The following ANKRD31 variants were observed in gnomAD, a reference collection of about 807,000 sequenced individuals.
ANKRD31 encodes the protein ankyrin repeat domain 31.
Under a neutral mutation model 186.0 loss-of-function variants are expected in ANKRD31, and 147 were observed. The ratio of observed to expected loss-of-function variants is 0.79; its 90% CI spans 0.69 to 0.91. The LOEUF is 0.91. ANKRD31 is among the 40% of genes least tolerant of loss of function. The probability of loss-of-function intolerance (pLI) is 0.00; values close to 1 mark genes in which losing one functional copy is unlikely to be tolerated. For missense variants in ANKRD31, 1,986 were observed against 2,148.8 expected (o/e 0.92, Z 1.50); for synonymous variants, 673 against 736.4 (o/e 0.91, Z 1.39).
intron 17 of ANKRD31, among the ~76,000 whole-genome samples, chr5:75,132,966 A>G (rs1749996460): frequency 6.6e-6 from 1 of 152,308 alleles, no homozygotes; most frequent in Non-Finnish European, 1.5e-5. Context: ...AAATGCTGAG[A>G]GATTTTGTCA....
chr5:75,101,597 T>C (rs1358206014), intron 22 of ANKRD31, among the ~76,000 whole-genome samples: 5 of 152,182 alleles, frequency 3.3e-5, no homozygotes, highest in Admixed American at 3.3e-4. Context: ...TTTCATATAG[T>C]CCCATAGTTC....
At chr5:75,199,325 C>G (rs1230107589) in intron 6 of ANKRD31, among the ~76,000 whole-genome samples, 1 of 152,148 alleles carries the variant, frequency 6.6e-6, no homozygotes. Flanking sequence ...AAATCCAAAG[C>G]AGGAAGGAAC....
rs1751629532 is a variant in ANKRD31 at position 75,148,529 on chromosome 5, A to G, written c.1905+47T>C. On this transcript the variant is annotated intron_variant, in intron 13 of 25. Coordinates refer to ENST00000506364, the MANE Select transcript of ANKRD31 (RefSeq NM_001372053.1). ...CCCTTTGACAATCTATGAAACAACC[A>G]GAAGTTACATCCCTATAAAAATGTT... 6 of 1,302,240 alleles carry G rather than the reference A, an allele frequency of 4.6e-6. No individual in the cohort carries two copies. The South Asian group carries it at 8.8e-5, about 19-fold the overall frequency. 80.7% of individuals were successfully genotyped at this position (1,302,240 alleles called of 1,614,324 possible).
chr5:75,189,201 A>C (rs1754936926), intron 9 of ANKRD31, among the ~76,000 whole-genome samples: 1 of 152,172 alleles, frequency 6.6e-6, no homozygotes, highest in Non-Finnish European at 1.5e-5. Context: ...TGATCCTTGC[A>C]ATTGTTTTTA....
At chr5:75,097,260 G>A (rs1483297402) in intron 22 of ANKRD31, among the ~76,000 whole-genome samples, 1 of 152,200 alleles carries the variant, frequency 6.6e-6, no homozygotes, top group African/African-American at 2.4e-5. Flanking sequence ...GGTTGAACTA[G>A]TTTACAGTGC....
chr5:75,192,453 C>A (rs1694051448), intron 9 of ANKRD31, among the ~76,000 whole-genome samples: 2 of 152,036 alleles, frequency 1.3e-5, no homozygotes, highest in South Asian at 4.1e-4. Flanking sequence ...AGCAGAACTA[C>A]AGAAAAAAGT....
At chr5:75,166,065 T>C (rs765326264) in intron 11 of ANKRD31, among the ~76,000 whole-genome samples, 6 of 152,336 alleles carry the variant, frequency 3.9e-5, no homozygotes, top group Middle Eastern at 3.4e-3. Context: ...TAAAATAGTA[T>C]TATGTCTGGG....
At chr5:75,078,406 A>T (rs1744830352) in intron 25 of ANKRD31, among the ~76,000 whole-genome samples, 1 of 152,224 alleles carries the variant, frequency 6.6e-6, no homozygotes, top group Non-Finnish European at 1.5e-5. Context: ...TATCTAACGG[A>T]CCATTTTATT....
At chr5:75,184,445 G>A (rs1048162207) in intron 10 of ANKRD31, among the ~76,000 whole-genome samples, 4 of 152,160 alleles carry the variant, frequency 2.6e-5, no homozygotes, top group South Asian at 4.2e-4. Context: ...ACAATCAACA[G>A]AGTCAAGAGA....
chr5:75,211,037 G>A (rs1160868229), intron 3 of ANKRD31, among the ~76,000 whole-genome samples, 172 bp from the exon 4 acceptor site: 1 of 152,048 alleles, frequency 6.6e-6, no homozygotes, highest in Non-Finnish European at 1.5e-5. Context: ...ATTTTTAAGT[G>A]TACAGTTCTC....
At chr5:75,228,939 AG>A (rs994040414) in intron 2 of ANKRD31, among the ~76,000 whole-genome samples, 1 of 152,242 alleles carries the variant, frequency 6.6e-6, no homozygotes, top group Non-Finnish European at 1.5e-5. Context: ...CTTAGGTATC[AG>A]GTGAGATGAT....
At position 75,146,126 on chromosome 5, in the gene ANKRD31, A is replaced by T; in HGVS notation, c.3285T>A (p.Val1095=). The T allele has an allele frequency of 1.3e-6, 2 of 1,535,588 alleles. No individual in the cohort carries two copies. Among genetic ancestry groups the T allele is most frequent in the Non-Finnish European group, 1.7e-6 (2 of 1,146,116 alleles). ...AHSQVIETTK[V]EKRRQNHLES... is the part of the protein sequence containing the mutation. ...CTAGATGGTTTTGTCTCCTTTTTTC[A>T]ACTTTAGTTGTTTCTATTACTTGAG... Residue 1095 remains valine, a synonymous_variant, in exon 14 of 26, where the codon GTT becomes GTA. Transcript: ENST00000506364.
chr5:75,226,940 A>G (rs2150315735), intron 2 of ANKRD31, among the ~76,000 whole-genome samples: 1 of 152,198 alleles, frequency 6.6e-6, no homozygotes, highest in East Asian at 1.9e-4. Flanking sequence ...TTCCTTTCCA[A>G]AAGAAAGAAA....
At chr5:75,116,363 A>C (rs1159019102) in intron 19 of ANKRD31, among the ~76,000 whole-genome samples, 1 of 152,048 alleles carries the variant, frequency 6.6e-6, no homozygotes, top group Non-Finnish European at 1.5e-5. Context: ...TACATATGTA[A>C]CTAACCTGCA....
At position 75,174,052 on chromosome 5, in the gene ANKRD31, C is replaced by G. The variant is rs571560174; in HGVS notation, c.1565-4931G>C. On this transcript the variant is annotated intron_variant, in intron 10 of 25. Transcript: ENST00000506364. ...AGATATATAGACCCACAGAACAGAA[C>G]AGAGACCTCAGAAATAACAGCACAC... Among the ~76,000 whole-genome samples the G allele has an allele frequency of 2.0e-5, 3 of 152,252 alleles. No homozygotes were observed. The East Asian group carries it at 5.8e-4, about 29-fold the overall frequency.
At chr5:75,122,176 A>G (rs1748846397) in intron 17 of ANKRD31, among the ~76,000 whole-genome samples, 1 of 151,904 alleles carries the variant, frequency 6.6e-6, no homozygotes, top group Non-Finnish European at 1.5e-5. Context: ...TCTACCATAC[A>G]CTCACAAACT....
In ANKRD31 at chr5:75,104,973, G is replaced by A. The variant is rs1413544483; in HGVS notation, c.4586C>T (p.Ser1529Leu). The change falls in exon 22 of 26, where the codon TCA (serine) becomes TTA (leucine). Residue 1529 changes from serine (S) to leucine (L), a missense_variant. Coordinates refer to ENST00000506364, the MANE Select transcript of ANKRD31 (RefSeq NM_001372053.1). ...TCCAGAAACAGGAGAAAGTGAACCT[G>A]ATTGGGGATGCTCTAAATTTTCCAG... ...TSLENLEHPQ[S>L]GSLSPVSGSM... The A allele has an allele frequency of 2.0e-6, 3 of 1,536,948 alleles. No individual in the cohort carries two copies. Among genetic ancestry groups the A allele is most frequent in the South Asian group, 1.2e-5 (1 of 84,060 alleles).
chr5:75,228,065 C>T (rs760523927), intron 2 of ANKRD31, among the ~76,000 whole-genome samples: 3 of 152,196 alleles, frequency 2.0e-5, no homozygotes, highest in African/African-American at 2.4e-5. Flanking sequence ...CGCTGCTTTA[C>T]TGCACATAAA....
chr5:75,183,563 G>A (rs1391968335), intron 10 of ANKRD31, among the ~76,000 whole-genome samples: 1 of 152,058 alleles, frequency 6.6e-6, no homozygotes, highest in Non-Finnish European at 1.5e-5. Context: ...AAGTCAATAA[G>A]CTTTCAGGAT....
Sources: allele counts gnomAD v4.1 joint callset (sites outside exome capture counted in the v4.1 genomes callset), GRCh38; gene constraint gnomAD v4.1.1; transcripts MANE v1.5; gene names NCBI Gene and HGNC (gene_info 2026-07-23, HGNC 2026-07-21).